The following DNAH5 variants were observed in gnomAD, a reference collection of about 807,000 sequenced individuals.
DNAH5 encodes axonemal beta dynein heavy chain 5.
DNAH5 carries 372 observed loss-of-function variants against 518.2 expected under a neutral mutation model. That is an observed-to-expected ratio of 0.72 (90% CI 0.66 to 0.78). The LOEUF is 0.78. Ranked by LOEUF, DNAH5 falls within the 30% of genes least tolerant of loss-of-function variation. The pLI is 0.00. For missense variants in DNAH5, 5,523 were observed against 5,687.0 expected (o/e 0.97, Z 0.93); for synonymous variants, 2,039 against 2,025.9 (o/e 1.01, Z -0.17).
intron 33 of DNAH5, 64 bp downstream of exon 33, chr5:13,841,628 G>T: frequency 7.8e-7 from 1 of 1,283,872 alleles, no homozygotes; most frequent in Non-Finnish European, 1.1e-6. Context: ...GCTTACAATA[G>T]GTAATGTCTG....
intron 76 of DNAH5, among the ~76,000 whole-genome samples, chr5:13,701,676 G>A (rs910204469): frequency 8.5e-5 from 13 of 152,234 alleles, no homozygotes; most frequent in Non-Finnish European, 1.6e-4. Context: ...ATGAACATCT[G>A]ATAAATTCAC....
chr5:13,748,879 C>T (rs1203361342), intron 65 of DNAH5, among the ~76,000 whole-genome samples: 2 of 151,938 alleles, frequency 1.3e-5, no homozygotes, highest in African/African-American at 4.8e-5. Context: ...ATTTCTTTCT[C>T]CTGCTTGATT....
intron 4 of DNAH5, 87 bp downstream of exon 4, chr5:13,923,193 C>T: frequency 2.6e-6 from 4 of 1,551,304 alleles, no homozygotes; most frequent in Middle Eastern, 1.7e-4. Context: ...GTAGTGAATA[C>T]AATGATTGTC....
chr5:13,763,871 A>G (rs1297639245), intron 59 of DNAH5, among the ~76,000 whole-genome samples: 2 of 152,202 alleles, frequency 1.3e-5, no homozygotes, highest in Non-Finnish European at 2.9e-5. Flanking sequence ...GGTAAATGTC[A>G]GGAACGTGTA....
In DNAH5 at chr5:13,766,699, T is replaced by C. The variant is rs139086696; in HGVS notation, c.9898-520A>G. ...TCTTAGCTAGGAACTGACCTTTAAA[T>C]GACGGGACTTGAGCAATAAGAATTT... is the stretch of plus-strand genomic sequence containing the variant. On this transcript the variant is annotated intron_variant, in intron 58 of 78. Coordinates refer to ENST00000265104, the MANE Select transcript of DNAH5 (RefSeq NM_001369.3). Among the ~76,000 whole-genome samples, 685 of 152,302 alleles carry C rather than the reference T, an allele frequency of 4.5e-3. 5 individuals are homozygous for C. Among genetic ancestry groups the C allele is most frequent in the Non-Finnish European group, 6.8e-3 (465 of 68,022 alleles).
At position 13,737,468 on chromosome 5, in the gene DNAH5, T is replaced by A. The variant is rs768267942; in HGVS notation, c.11239A>T (p.Met3747Leu). 4.3e-6 allele frequency: 7 copies of A among 1,613,918 alleles called. No homozygotes were observed. In the African/African-American group the frequency reaches 6.7e-5, roughly 15 times the overall value. ...CTTTTGTTTGCAGTTACATCTTCCA[T>A]CAGATGAGTTCTTTCTTTCTCCAAT... ...QELEKERTHL[M>L]EDVTANKRRM... is the part of the protein sequence containing the mutation. The change falls in exon 66 of 79, where the codon ATG becomes TTG. Residue 3747 changes from methionine (M) to leucine (L), a missense_variant. By Grantham distance (15) the Met-to-Leu change is conservative. Coordinates refer to ENST00000265104, the MANE Select transcript of DNAH5 (RefSeq NM_001369.3).
intron 65 of DNAH5, among the ~76,000 whole-genome samples, chr5:13,739,539 T>C (rs1036459413): frequency 2.0e-5 from 3 of 152,126 alleles, no homozygotes; most frequent in Non-Finnish European, 4.4e-5. Context: ...TTCATACCAG[T>C]GAGAGAATGG....
chr5:13,958,254 C>T (rs1408257393), intron 1 of DNAH5, among the ~76,000 whole-genome samples: 4 of 151,994 alleles, frequency 2.6e-5, no homozygotes, highest in African/African-American at 9.7e-5. Flanking sequence ...AAATTATACT[C>T]TTTGATTTCC....
intron 47 of DNAH5, among the ~76,000 whole-genome samples, chr5:13,798,914 C>T (rs900052545): frequency 6.6e-6 from 1 of 151,700 alleles, no homozygotes; most frequent in East Asian, 1.9e-4. Flanking sequence ...TACAGGTGCA[C>T]ACCACCACAC....
chr5:13,967,851 G>A (rs548372845), intron 1 of DNAH5, among the ~76,000 whole-genome samples: 1 of 145,484 alleles, frequency 6.9e-6, no homozygotes, highest in East Asian at 2.0e-4. Flanking sequence ...ATTCTGTGAG[G>A]AATGATGGTG....
At chr5:13,974,131 T>A (rs2152059823) in intron 1 of DNAH5, among the ~76,000 whole-genome samples, 1 of 150,872 alleles carries the variant, frequency 6.6e-6, no homozygotes, top group South Asian at 2.1e-4. Flanking sequence ...AATTAGTTTT[T>A]TCTTTTCTTT....
chr5:13,917,378 C>A, intron 7 of DNAH5, 122 bp from the exon 8 acceptor site: 1 of 760,736 alleles, frequency 1.3e-6, no homozygotes, highest in Non-Finnish European at 2.3e-6. Flanking sequence ...TCACAGAAAA[C>A]TGAATCCAGA....
chr5:13,865,231 G>T (rs1185810378), intron 27 of DNAH5, among the ~76,000 whole-genome samples: 1 of 152,000 alleles, frequency 6.6e-6, no homozygotes, highest in Non-Finnish European at 1.5e-5. Flanking sequence ...CTGACCTCGT[G>T]ATCTGCCCAC....
In DNAH5 at chr5:13,885,093, G is replaced by GA; in HGVS notation, c.2878dup (p.Ser960PhefsTer33). ...ATCCATGTTCTGATGGTTGAAATGA[G>GA]AGAGTAACTCGCGGGCTTCTTCCCC... On this transcript the variant is annotated frameshift_variant, in exon 19 of 79. Coordinates refer to ENST00000265104, the MANE Select transcript of DNAH5 (RefSeq NM_001369.3). LOFTEE classifies it high-confidence loss of function. 1 of 1,614,246 alleles carries GA rather than the reference G, an allele frequency of 6.2e-7. No individual in the cohort carries two copies. Among genetic ancestry groups the GA allele is most frequent in the African/African-American group, 1.3e-5 (1 of 75,070 alleles).
intron 4 of DNAH5, 113 bp from the exon 5 acceptor site, chr5:13,922,441 T>C: frequency 1.8e-6 from 2 of 1,139,942 alleles, no homozygotes; most frequent in Non-Finnish European, 2.5e-6. Flanking sequence ...AAATTATTAG[T>C]TTGTGCCAGG....
chr5:13,995,425 G>C (rs1409623171), intron 1 of DNAH5, among the ~76,000 whole-genome samples: 1 of 152,118 alleles, frequency 6.6e-6, no homozygotes, highest in Non-Finnish European at 1.5e-5. Context: ...CATGTCACCA[G>C]GGTAGCAACT....
intron 74 of DNAH5, among the ~76,000 whole-genome samples, chr5:13,716,213 T>G (rs1260742861): frequency 6.7e-6 from 1 of 148,708 alleles, no homozygotes; most frequent in Non-Finnish European, 1.5e-5. Flanking sequence ...ATCTGCCTAA[T>G]CTATCATCTT....
intron 19 of DNAH5, 85 bp from the exon 20 acceptor site, chr5:13,883,179 A>G: frequency 7.4e-7 from 1 of 1,346,658 alleles, no homozygotes; most frequent in Non-Finnish European, 1.0e-6. Context: ...AATTAAAACA[A>G]TACATAATAG....
chr5:13,775,107 T>C (rs923802525), intron 55 of DNAH5, among the ~76,000 whole-genome samples: 4 of 151,620 alleles, frequency 2.6e-5, no homozygotes, highest in Admixed American at 6.6e-5. Context: ...CAGTGACTTT[T>C]TGTATTAAGA....
Sources: allele counts gnomAD v4.1 joint callset (sites outside exome capture counted in the v4.1 genomes callset), GRCh38; gene constraint gnomAD v4.1.1; transcripts MANE v1.5; gene names NCBI Gene and HGNC (gene_info 2026-07-23, HGNC 2026-07-21).